RARB: variants seen among roughly 807,000 people sequenced by gnomAD.
RARB encodes the protein retinoic acid receptor beta, also known as HBV-activated protein.
In RARB, 17 loss-of-function variants were observed where a neutral mutation model predicts 51.9. The observed-to-expected ratio is 0.33, with a 90% CI of 0.22 to 0.49. The LOEUF is 0.49. Among genes scored for constraint, RARB ranks in the 20% least tolerant of loss-of-function variants. RARB has a pLI of 0.99. For synonymous variants in RARB, 215 were observed against 195.4 expected (o/e 1.10, Z -0.84); for missense variants, 369 against 550.8 (o/e 0.67, Z 3.30).
At chr3:25,330,379 A>C (rs1046982771) in intron 5 of RARB, among the ~76,000 whole-genome samples, 2 of 152,206 alleles carry the variant, frequency 1.3e-5, no homozygotes, top group Non-Finnish European at 2.9e-5. Flanking sequence ...TAAAGAAAAG[A>C]ATTTTCAACC....
intron 5 of RARB, among the ~76,000 whole-genome samples, chr3:25,413,569 A>T (rs1575382817): frequency 6.6e-6 from 1 of 152,272 alleles, no homozygotes; most frequent in East Asian, 1.9e-4. Context: ...ACTTTCCAAG[A>T]TAGTTGTGCA....
intron 5 of RARB, among the ~76,000 whole-genome samples, chr3:25,303,074 TTTA>T (rs925325685): frequency 3.3e-5 from 5 of 152,224 alleles, no homozygotes; most frequent in Non-Finnish European, 7.3e-5. Flanking sequence ...AGAGCCTGTA[TTTA>T]TTCTCTTATT....
At chr3:25,590,219 A>G (rs1287658846) in intron 5 of RARB, among the ~76,000 whole-genome samples, 1 of 152,266 alleles carries the variant, frequency 6.6e-6, no homozygotes, top group African/African-American at 2.4e-5. Context: ...ATCCAAATAC[A>G]TTCTAACTTT....
chr3:25,039,388 C>T (rs1300384754), intron 2 of RARB, among the ~76,000 whole-genome samples: 1 of 152,120 alleles, frequency 6.6e-6, no homozygotes, highest in Non-Finnish European at 1.5e-5. Flanking sequence ...AAATGTTGTT[C>T]TGGGAAAGCT....
At chr3:25,513,227 C>T (rs1224740583) in intron 3 of RARB, among the ~76,000 whole-genome samples, 1 of 151,652 alleles carries the variant, frequency 6.6e-6, no homozygotes, top group Non-Finnish European at 1.5e-5. Flanking sequence ...GCGGAGGTTG[C>T]AGTGAGCTGA....
intron 2 of RARB, among the ~76,000 whole-genome samples, chr3:24,898,518 A>G (rs891285384): frequency 3.3e-5 from 5 of 152,146 alleles, no homozygotes; most frequent in African/African-American, 1.2e-4. Context: ...CAGTATAATT[A>G]TAGCAATGTT....
chr3:25,494,195 A>C (rs1337674403), intron 2 of RARB, among the ~76,000 whole-genome samples: 1 of 143,590 alleles, frequency 7.0e-6, no homozygotes, highest in South Asian at 2.3e-4. Context: ...AACACTTTGC[A>C]TGGCTTTAAG....
intron 5 of RARB, among the ~76,000 whole-genome samples, chr3:25,351,644 G>A (rs1705573951): frequency 6.6e-6 from 1 of 152,140 alleles, no homozygotes; most frequent in Non-Finnish European, 1.5e-5. Context: ...GTTTTCAAAA[G>A]AGGTTAAAAA....
At chr3:25,318,802 T>C (rs1201011331) in intron 5 of RARB, among the ~76,000 whole-genome samples, 1 of 152,226 alleles carries the variant, frequency 6.6e-6, no homozygotes, top group Non-Finnish European at 1.5e-5. Flanking sequence ...AACTCTCTCA[T>C]GACCTGCAAG....
At chr3:24,897,752 C>CTTT (rs11280403) in intron 2 of RARB, among the ~76,000 whole-genome samples, 8 of 145,122 alleles carry the variant, frequency 5.5e-5, no homozygotes, top group African/African-American at 1.0e-4. Flanking sequence ...TGCTCTGAGG[C>CTTT]TTTTTTTTTT....
intron 2 of RARB, among the ~76,000 whole-genome samples, chr3:24,958,268 T>G (rs1289636910): frequency 6.9e-5 from 9 of 131,234 alleles, no homozygotes; most frequent in Non-Finnish European, 9.4e-5. Context: ...TTTTTTTTTT[T>G]TTTTTTTTTT....
chr3:25,089,375 A>G (rs1699158331), intron 3 of RARB, among the ~76,000 whole-genome samples: 1 of 152,066 alleles, frequency 6.6e-6, no homozygotes, highest in Non-Finnish European at 1.5e-5. Context: ...TATATTTATT[A>G]TTTACACAAA....
intron 3 of RARB, among the ~76,000 whole-genome samples, chr3:25,526,060 A>G (rs780685491): frequency 2.2e-4 from 33 of 152,214 alleles, no homozygotes; most frequent in Non-Finnish European, 4.4e-4. Flanking sequence ...AAGCTGTGAT[A>G]GAGAATAAGT....
chr3:25,137,717 T>C (rs958672273), intron 4 of RARB, among the ~76,000 whole-genome samples: 1 of 152,086 alleles, frequency 6.6e-6, no homozygotes, highest in South Asian at 2.1e-4. Context: ...TTTATTGTCA[T>C]TTAAATAGCT....
Position 25,412,361 on chromosome 3 carries a change from T to G in RARB, c.179-48832T>G, listed in dbSNP as rs114444649. On this transcript the variant is annotated intron_variant, in intron 5 of 11. Coordinates refer to the RARB transcript ENST00000383772. Reference sequence around the variant, plus strand: ...CCAAGGGGGCCTAGTTATATAGATATTGGCATGCAGTTTCATCCAAATGCT... The same window carrying G: ...CCAAGGGGGCCTAGTTATATAGATAGTGGCATGCAGTTTCATCCAAATGCT... Among the ~76,000 whole-genome samples the G allele has an allele frequency of 4.5e-3, 678 of 152,298 alleles. 7 individuals carry two copies. Among genetic ancestry groups the G allele is most frequent in the African/African-American group, 0.016 (655 of 41,566 alleles).
intron 2 of RARB, among the ~76,000 whole-genome samples, chr3:24,986,792 G>A (rs902462097): frequency 6.6e-6 from 1 of 152,094 alleles, no homozygotes; most frequent in African/African-American, 2.4e-5. Context: ...TCACATCGCA[G>A]CCTTCACCCT....
rs533993555 is a variant in RARB, at chr3:25,079,747, T to C, written c.-328+19571T>C. Among the ~76,000 whole-genome samples, 6 of 152,348 alleles carry C rather than the reference T, an allele frequency of 3.9e-5. No individual in the cohort carries two copies. The South Asian group carries it at 1.2e-3, about 32-fold the overall frequency. On this transcript the variant is annotated intron_variant, in intron 3 of 11. Transcript: ENST00000383772. ...TAAAACTAGGTTAGTCATGAGGTAG[T>C]ATCCTTTCAAATATTGCTGGGCTCA...
rs549164842 is a variant in RARB, at chr3:25,428,422, C to A, written c.-310C>A. The A allele has an allele frequency of 6.3e-6, 8 of 1,276,096 alleles. No individual in the cohort carries two copies. The highest frequency in any genetic ancestry group is 3.7e-5 in the Admixed American group (1 of 26,896). 79.0% of individuals were successfully genotyped at this position (1,276,096 alleles called of 1,614,324 possible). On this transcript the variant is annotated 5_prime_UTR_variant, in exon 1 of 8. Coordinates refer to ENST00000330688, the MANE Select transcript of RARB (RefSeq NM_000965.5). ...TGTCTGGGCACCGTCGGGGTAGGAT[C>A]CGGAACGCATTCGGAAGGCTTTTTG...
intron 2 of RARB, among the ~76,000 whole-genome samples, chr3:24,869,993 T>G (rs925865320): frequency 5.3e-5 from 8 of 152,192 alleles, no homozygotes; most frequent in African/African-American, 1.7e-4. Flanking sequence ...AATTTACTAA[T>G]TAGGTTGTAT....
Sources: allele counts gnomAD v4.1 joint callset (sites outside exome capture counted in the v4.1 genomes callset), GRCh38; gene constraint gnomAD v4.1.1; transcripts MANE v1.5; gene names NCBI Gene and HGNC (gene_info 2026-07-23, HGNC 2026-07-21).